USP33: variants seen among roughly 807,000 people sequenced by gnomAD.
USP33 encodes ubiquitin carboxyl-terminal hydrolase 33.
A neutral mutation model predicts 124.2 loss-of-function variants in USP33; 46 were observed. The observed-to-expected ratio is 0.37, with a 90% CI of 0.29 to 0.47. The LOEUF is 0.47. Ranked by LOEUF, USP33 falls within the 20% of genes least tolerant of loss-of-function variation. The pLI is 0.99. For synonymous variants in USP33, 350 were observed against 352.3 expected, an observed-to-expected ratio of 0.99 and a Z score of 0.07; for missense variants, 851 against 1,070.6, an observed-to-expected ratio of 0.79 and a Z score of 2.86.
chr1:77,753,779 G>A (rs1680558386), intron 1 of USP33, among the ~76,000 whole-genome samples: 1 of 150,410 alleles, frequency 6.6e-6, no homozygotes, highest in Admixed American at 6.6e-5. Flanking sequence ...GAGTTTTGGA[G>A]AAGATTAATA....
intron 6 of USP33, among the ~76,000 whole-genome samples, chr1:77,734,854 T>C (rs1221849752): frequency 1.3e-5 from 2 of 152,220 alleles, no homozygotes; most frequent in East Asian, 3.8e-4. Flanking sequence ...CCGGGCGCAG[T>C]GGCTCACGCC....
rs1309685727 is a variant in USP33, at chr1:77,759,835, G to A, written c.-244C>T. 2 of 396,360 alleles carry A rather than the reference G, an allele frequency of 5.0e-6. No individual in the cohort carries two copies. The highest frequency in any genetic ancestry group is 3.6e-5 in the East Asian group (1 of 27,978). 24.6% of individuals were successfully genotyped at this position (396,360 alleles called of 1,614,324 possible). On this transcript the variant is annotated 5_prime_UTR_variant, in exon 1 of 24. Transcript: ENST00000370794. The stretch of plus-strand genomic sequence containing the variant: ...CTGGCCACTTCCCGCAGCAGCCGCG[G>A]CTCCTTCCGGTGTCTCCGGGGCCGC...
chr1:77,725,908 G>T, intron 10 of USP33, 146 bp from the exon 11 acceptor site: 1 of 812,148 alleles, frequency 1.2e-6, no homozygotes, highest in Non-Finnish European at 1.8e-6. Flanking sequence ...TGCTTACTAA[G>T]CAAAATAACA....
At position 77,717,954 on chromosome 1, in the gene USP33, G is replaced by T. The variant is rs367803837; in HGVS notation, c.1831C>A (p.Leu611Ile). ...CTATCCTTAGCAAGAAATGGCTGAA[G>T]ATCCAAGCCTTCTAGCGGAAATGAA... ...HVSFPLEGLD[L>I]QPFLAKDSPA... The change falls in exon 17 of 24, where the codon CTT becomes ATT. Residue 611 changes from leucine (L) to isoleucine (I), a missense_variant. By Grantham distance (5) the Leu-to-Ile change is conservative. This residue lies in a region of USP33 where 281 missense variants were observed against 425.0 expected (regional missense o/e 0.66). Transcript: ENST00000370794. 1.2e-6 allele frequency: 2 copies of T among 1,613,866 alleles called. No individual in the cohort carries two copies. The highest frequency in any genetic ancestry group is 2.7e-5 in the African/African-American group (2 of 74,930).
chr1:77,744,409 T>C (rs930885600), intron 1 of USP33, among the ~76,000 whole-genome samples: 1 of 152,146 alleles, frequency 6.6e-6, no homozygotes, highest in Non-Finnish European at 1.5e-5. Flanking sequence ...ATCAGTGATA[T>C]AGGGGAAAAT....
Position 77,738,854 on chromosome 1 carries a change from T to C in USP33, c.351+411A>G, listed in dbSNP as rs906878464. ...ATTCTACTTTGTTGTCAATAATAAGTAAAATGTTCACAGTAATACAAAGGG... is the reference window on the plus strand; with the variant it reads ...ATTCTACTTTGTTGTCAATAATAAGCAAAATGTTCACAGTAATACAAAGGG... On this transcript the variant is annotated intron_variant, in intron 5 of 23. Coordinates refer to ENST00000370794, the MANE Select transcript of USP33 (RefSeq NM_201624.3). Among the ~76,000 whole-genome samples the C allele has an allele frequency of 4.6e-5, 7 of 152,144 alleles. No homozygotes were observed. In the East Asian group the frequency reaches 1.2e-3, roughly 25 times the overall value.
intron 7 of USP33, among the ~76,000 whole-genome samples, chr1:77,733,589 T>C (rs1023987953): frequency 6.6e-5 from 10 of 152,128 alleles, no homozygotes; most frequent in African/African-American, 2.2e-4. Flanking sequence ...TAATACAAAA[T>C]ACAAAATTCA....
intron 21 of USP33, among the ~76,000 whole-genome samples, chr1:77,705,692 A>C (rs1332221547): frequency 6.6e-6 from 1 of 152,028 alleles, no homozygotes; most frequent in Non-Finnish European, 1.5e-5. Flanking sequence ...AATTTTATTA[A>C]GGTGTAATCC....
chr1:77,754,217 T>C (rs1004464726), intron 1 of USP33, among the ~76,000 whole-genome samples: 8 of 152,142 alleles, frequency 5.3e-5, no homozygotes, highest in African/African-American at 1.9e-4. Flanking sequence ...TCTATGATTA[T>C]AAAAAAATTG....
At chr1:77,756,724 C>T (rs1174779096) in intron 1 of USP33, among the ~76,000 whole-genome samples, 1 of 152,136 alleles carries the variant, frequency 6.6e-6, no homozygotes, top group East Asian at 1.9e-4. Flanking sequence ...AACCTTTTTT[C>T]CTCCTTCTCT....
At chr1:77,703,643 A>C (rs917777746) in intron 21 of USP33, among the ~76,000 whole-genome samples, 1 of 152,118 alleles carries the variant, frequency 6.6e-6, no homozygotes, top group Non-Finnish European at 1.5e-5. Flanking sequence ...ATAAAATATA[A>C]AACTCCAACC....
At position 77,697,903 on chromosome 1, in the gene USP33, CTT is replaced by C. The variant is rs1673575436; in HGVS notation, c.2536_2537del (p.Lys846AspfsTer5). The C allele has an allele frequency of 6.2e-7, 1 of 1,610,714 alleles. No homozygotes were observed. The highest frequency in any genetic ancestry group is 2.2e-5 in the East Asian group (1 of 44,746). The stretch of plus-strand genomic sequence containing the variant: ...CATTACCACATTTAGTGACTGCAAT[CTT>C]AGTATTGTCAATAGGACCTGGAGGA... ...GDPPGPIDNT[K>X]IAVTKCGNVM... On this transcript the variant is annotated frameshift_variant, in exon 23 of 24. Transcript: ENST00000370794. LOFTEE classifies it high-confidence loss of function.
intron 10 of USP33, 72 bp from the exon 11 acceptor site, chr1:77,725,834 T>G (rs1324296219): frequency 2.8e-5 from 37 of 1,334,636 alleles, no homozygotes; most frequent in Non-Finnish European, 3.7e-5. Context: ...ATGTTAAAGG[T>G]TTCTTAATTT....
At chr1:77,757,846 G>T (rs1351140573) in intron 1 of USP33, among the ~76,000 whole-genome samples, 1 of 152,194 alleles carries the variant, frequency 6.6e-6, no homozygotes, top group Non-Finnish European at 1.5e-5. Flanking sequence ...GGCATTCGGA[G>T]CTCAGAGGAC....
chr1:77,758,569 G>A (rs1335705538), intron 1 of USP33, among the ~76,000 whole-genome samples: 1 of 152,000 alleles, frequency 6.6e-6, no homozygotes, highest in East Asian at 1.9e-4. Context: ...AACTAGCATT[G>A]TCTTTAAGAT....
intron 3 of USP33, 152 bp from the exon 4 acceptor site, chr1:77,741,091 T>C: frequency 3.1e-6 from 2 of 639,728 alleles, no homozygotes; most frequent in Non-Finnish European, 5.2e-6. Flanking sequence ...TTTAACCAAA[T>C]GTTTCCAGGC....
intron 16 of USP33, 67 bp from the exon 17 acceptor site, chr1:77,718,114 AACTT>A (rs1676131793): frequency 3.8e-6 from 5 of 1,329,984 alleles, no homozygotes; most frequent in South Asian, 1.5e-5. Context: ...TAACAGGTAA[AACTT>A]AGTAACATTT....
intron 1 of USP33, among the ~76,000 whole-genome samples, chr1:77,758,638 T>C (rs1557879113): frequency 6.6e-6 from 1 of 152,156 alleles, no homozygotes; most frequent in Non-Finnish European, 1.5e-5. Flanking sequence ...TGTATTATGC[T>C]CAAATCAAAT....
intron 1 of USP33, among the ~76,000 whole-genome samples, chr1:77,756,920 T>C (rs1348475297): frequency 2.6e-5 from 4 of 152,226 alleles, no homozygotes; most frequent in African/African-American, 7.2e-5. Context: ...TACAGCTCAT[T>C]TTCCTTTCAT....
Sources: gnomAD v4.1 joint callset for allele counts (sites outside exome capture counted in the v4.1 genomes callset) on GRCh38, gnomAD v4.1.1 for gene constraint, gnomAD v4.1.1 regional missense constraint, MANE v1.5 for transcripts, NCBI Gene and HGNC (gene_info 2026-07-23, HGNC 2026-07-21) for gene names.